ERBB4: variants seen among roughly 807,000 people sequenced by gnomAD.
The protein encoded by ERBB4 is erb-b2 receptor tyrosine kinase 4.
In ERBB4, 42 loss-of-function variants were observed where a neutral mutation model predicts 158.0. That is an observed-to-expected ratio of 0.27 (90% CI 0.21 to 0.34). The LOEUF (loss-of-function observed/expected upper bound fraction) is 0.34. Among genes scored for constraint, ERBB4 ranks in the 10% least tolerant of loss-of-function variants. The pLI is 1.00. For missense variants in ERBB4, 1,333 were observed against 1,624.1 expected (o/e 0.82, Z 3.08); for synonymous variants, 583 against 558.7 (o/e 1.04, Z -0.61).
intron 1 of ERBB4, among the ~76,000 whole-genome samples, chr2:212,425,173 C>T (rs536754156): frequency 6.6e-6 from 1 of 151,218 alleles, no homozygotes; most frequent in South Asian, 2.1e-4. Context: ...TTCATTAACT[C>T]TTTTGAAGTA....
At chr2:212,306,299 T>A (rs959296768) in intron 1 of ERBB4, among the ~76,000 whole-genome samples, 1 of 151,456 alleles carries the variant, frequency 6.6e-6, no homozygotes. Context: ...AGATGCAGTA[T>A]TTCAAGAAGA....
At chr2:212,129,567 C>T (rs957893176) in intron 1 of ERBB4, among the ~76,000 whole-genome samples, 2 of 151,950 alleles carry the variant, frequency 1.3e-5, no homozygotes, top group Admixed American at 1.3e-4. Context: ...TGCTACCCTA[C>T]ATTGCAATAA....
intron 1 of ERBB4, among the ~76,000 whole-genome samples, chr2:212,275,909 C>A (rs759213363): frequency 6.6e-6 from 1 of 151,808 alleles, no homozygotes; most frequent in Non-Finnish European, 1.5e-5. Context: ...CAAGACCCAT[C>A]GGTGTGCTGT....
intron 1 of ERBB4, among the ~76,000 whole-genome samples, chr2:212,195,219 T>C (rs141838857): frequency 0.012 from 1,795 of 152,138 alleles, 18 homozygotes; most frequent in Non-Finnish European, 0.017. Context: ...ATTACTCTTT[T>C]CTCTCTCCTT....
intron 2 of ERBB4, among the ~76,000 whole-genome samples, chr2:212,002,990 C>T (rs74348598): frequency 0.086 from 12,837 of 149,606 alleles, 560 homozygotes; most frequent in South Asian, 0.15. Flanking sequence ...ACCCGGGAGG[C>T]GGAGAGTGGA....
chr2:211,597,848 A>C (rs192871866), intron 19 of ERBB4, among the ~76,000 whole-genome samples: 1 of 152,308 alleles, frequency 6.6e-6, no homozygotes, highest in East Asian at 1.9e-4. Flanking sequence ...ATTCAAAAAA[A>C]ATCAGCTTTT....
chr2:211,659,339 A>C (rs2071334577), intron 15 of ERBB4, among the ~76,000 whole-genome samples: 1 of 152,092 alleles, frequency 6.6e-6, no homozygotes, highest in African/African-American at 2.4e-5. Flanking sequence ...AAAAGGAAAA[A>C]AACTAGAGTA....
intron 2 of ERBB4, among the ~76,000 whole-genome samples, chr2:212,121,691 C>T (rs1427310654): frequency 2.0e-5 from 3 of 152,302 alleles, no homozygotes; most frequent in Admixed American, 6.5e-5. Flanking sequence ...TTTTCTTCAT[C>T]AACACTATAC....
chr2:211,534,871 C>T (rs964674988), intron 20 of ERBB4, among the ~76,000 whole-genome samples: 6 of 152,042 alleles, frequency 3.9e-5, no homozygotes, highest in South Asian at 4.1e-4. Flanking sequence ...TGGGTTTGAA[C>T]GCTGGCAGGA....
Position 211,377,275 on chromosome 2 carries a change from G to C in ERBB4, c.*6340C>G, listed in dbSNP as rs1021442952. Reference sequence around the variant, plus strand: ...GTATGATTTGCTTTCCTTCACAAAGGCTATAGGCCTGGGGGAAATATCTAC... The same window carrying C: ...GTATGATTTGCTTTCCTTCACAAAGCCTATAGGCCTGGGGGAAATATCTAC... On this transcript the variant is annotated 3_prime_UTR_variant, in exon 28 of 28. Coordinates refer to ENST00000342788, the MANE Select transcript of ERBB4 (RefSeq NM_005235.3). 8.6e-6 allele frequency: 2 copies of C among 233,050 alleles called. No individual in the cohort carries two copies. Among genetic ancestry groups the C allele is most frequent in the African/African-American group, 4.4e-5 (2 of 45,302 alleles). The allele number at this position is 233,050 out of a possible 1,614,324, so 14.4% of individuals were successfully genotyped here. A position where few individuals can be genotyped will look rare whatever the true frequency, so the allele number is the denominator to read the frequency against.
rs767787222 is a variant in ERBB4 at position 211,383,876 on chromosome 2, C to T, written c.3666G>A (p.Leu1222=). The change falls in exon 28 of 28, where the codon CTG becomes CTA. Residue 1222 remains leucine (L), a synonymous_variant. Transcript: ENST00000342788. ...FANTLGKAEY[L]KNNILSMPEK... The stretch of plus-strand genomic sequence containing the variant: ...CTGGCATTGACAGTATGTTGTTCTT[C>T]AGGTACTCAGCTTTTCCCAAGGTGT... The T allele has an allele frequency of 6.2e-7, 1 of 1,613,944 alleles. No individual in the cohort carries two copies. Among genetic ancestry groups the T allele is most frequent in the Non-Finnish European group, 8.5e-7 (1 of 1,180,028 alleles).
intron 1 of ERBB4, among the ~76,000 whole-genome samples, chr2:212,313,618 A>G (rs1446936463): frequency 1.3e-5 from 2 of 150,980 alleles, no homozygotes; most frequent in Non-Finnish European, 3.0e-5. Context: ...CGTCTATCCC[A>G]TCTGTGTAGA....
chr2:211,539,540 T>A (rs1281374539), intron 20 of ERBB4, among the ~76,000 whole-genome samples: 2 of 152,034 alleles, frequency 1.3e-5, no homozygotes, highest in Non-Finnish European at 2.9e-5. Flanking sequence ...CTATTCTGCA[T>A]TTTTAAAATA....
At chr2:212,423,329 A>G (rs1411244814) in intron 1 of ERBB4, among the ~76,000 whole-genome samples, 1 of 152,216 alleles carries the variant, frequency 6.6e-6, no homozygotes, top group Non-Finnish European at 1.5e-5. Context: ...TGACAGCAGA[A>G]GATGCCAAAA....
At chr2:211,951,519 A>T (rs1462901061) in intron 2 of ERBB4, among the ~76,000 whole-genome samples, 1 of 152,112 alleles carries the variant, frequency 6.6e-6, no homozygotes, top group East Asian at 1.9e-4. Flanking sequence ...TAACTAAGAA[A>T]ATCTTTGTAT....
At chr2:211,773,361 T>TG (rs1575125152) in intron 4 of ERBB4, among the ~76,000 whole-genome samples, 2 of 151,660 alleles carry the variant, frequency 1.3e-5, no homozygotes, top group East Asian at 3.9e-4. Flanking sequence ...ACATAAATGT[T>TG]TACTTTTTAT....
rs377148801 is a variant in ERBB4 at position 211,726,723 on chromosome 2, T to C, written c.623-1529A>G. Among the ~76,000 whole-genome samples, 3 of 152,172 alleles carry C rather than the reference T, an allele frequency of 2.0e-5. No individual in the cohort carries two copies. In the East Asian group the frequency reaches 5.8e-4, roughly 29 times the overall value. ...TCAGATCCCATCTTTTCCTTCCAGT[T>C]AATCCTCCACAATGCCCTAAAAGTA... is the stretch of plus-strand genomic sequence containing the variant. On this transcript the variant is annotated intron_variant, in intron 5 of 27. Transcript: ENST00000342788.
intron 2 of ERBB4, among the ~76,000 whole-genome samples, chr2:212,033,236 G>A (rs943495042): frequency 6.6e-6 from 1 of 151,904 alleles, no homozygotes; most frequent in Admixed American, 6.6e-5. Context: ...TAGGCAATTT[G>A]GAAAAACAAA....
chr2:212,525,010 G>A (rs984696443), intron 1 of ERBB4, among the ~76,000 whole-genome samples: 2 of 151,812 alleles, frequency 1.3e-5, no homozygotes, highest in African/African-American at 2.4e-5. Flanking sequence ...GGGGTTCCAG[G>A]GAAGGTACCA....
Sources: allele counts gnomAD v4.1 joint callset (sites outside exome capture counted in the v4.1 genomes callset), GRCh38; gene constraint gnomAD v4.1.1; transcripts MANE v1.5; gene names NCBI Gene and HGNC (gene_info 2026-07-23, HGNC 2026-07-21).